The following PTDSS2 variants were observed in gnomAD, a reference collection of about 807,000 sequenced individuals.
PTDSS2 encodes the protein phosphatidylserine synthase 2.
A neutral mutation model predicts 64.7 loss-of-function variants in PTDSS2; 41 were observed. That is an observed-to-expected ratio of 0.63 (90% CI 0.49 to 0.82). The LOEUF is 0.82. PTDSS2 is among the 40% of genes least tolerant of loss of function. PTDSS2 has a pLI of 0.00. For synonymous variants in PTDSS2, 297 were observed against 277.8 expected (o/e 1.07, Z -0.69); for missense variants, 485 against 650.0 (o/e 0.75, Z 2.76).
chr11:479,397 C>CTG lies in PTDSS2; in HGVS notation c.435+246_435+247dup. On this transcript the variant is annotated intron_variant, in intron 4 of 11. Transcript: ENST00000308020. The surrounding 1 kb of genome is among the most constrained non-coding windows in gnomAD (Gnocchi z 4.2). ...AGCTGCGGGGGGCCTCCAGGAGCATCTGCTGGTGGGGCGCTGACTGTGGCC... is the reference window on the plus strand; with the variant it reads ...AGCTGCGGGGGGCCTCCAGGAGCATCTGTGCTGGTGGGGCGCTGACTGTGGCC... 1 of 586,758 alleles carries CTG rather than the reference C, an allele frequency of 1.7e-6. No homozygotes were observed. Among genetic ancestry groups the CTG allele is most frequent in the South Asian group, 2.0e-5 (1 of 50,700 alleles). The allele number at this position is 586,758 out of a possible 1,614,324, so 36.3% of individuals were successfully genotyped here.
Position 460,484 on chromosome 11 carries a change from C to A in PTDSS2, c.284+196C>A. ...CTTGGTGCTGCGTGGCGTTCCCGGTCAGCCCCCGTCGCCTGTCACTGGGAG... is the reference window on the plus strand; with the variant it reads ...CTTGGTGCTGCGTGGCGTTCCCGGTAAGCCCCCGTCGCCTGTCACTGGGAG... On this transcript the variant is annotated intron_variant, in intron 2 of 11. Transcript: ENST00000308020. This position sits in a 1 kb window ranked among gnomAD's most constrained non-coding sequence, Gnocchi z 5.8. The A allele has an allele frequency of 1.8e-6, 1 of 561,188 alleles. No homozygotes were observed. Among genetic ancestry groups the A allele is most frequent in the Admixed American group, 3.1e-5 (1 of 32,618 alleles). 34.8% of individuals were successfully genotyped at this position (561,188 alleles called of 1,614,324 possible). A position where few individuals can be genotyped will look rare whatever the true frequency, so the allele number is the denominator to read the frequency against.
At chr11:457,126 G>A (rs1246466112) in intron 1 of PTDSS2, among the ~76,000 whole-genome samples, 3 of 152,168 alleles carry the variant, frequency 2.0e-5, no homozygotes, top group Non-Finnish European at 4.4e-5. Context: ...GACCCCATCT[G>A]CACAAAAAAT....
intron 2 of PTDSS2, among the ~76,000 whole-genome samples, chr11:472,823 G>A (rs975245105): frequency 2.6e-5 from 4 of 152,144 alleles, no homozygotes; most frequent in African/African-American, 9.7e-5. Flanking sequence ...CCACACGAAC[G>A]TGCGTGTGTG....
Position 489,927 on chromosome 11 carries a change from C to T in PTDSS2, c.1160C>T (p.Ala387Val). 6.2e-7 allele frequency: 1 copy of T among 1,604,936 alleles called. No individual in the cohort carries two copies. Among genetic ancestry groups the T allele is most frequent in the Non-Finnish European group, 8.5e-7 (1 of 1,177,840 alleles). The change falls in exon 11 of 12, where the codon GCC (alanine) becomes GTC (valine). Residue 387 changes from alanine to valine, a missense_variant. Around this residue, in one of 3 missense-constraint regions of PTDSS2, gnomAD observed 219 missense variants for 257.3 expected, o/e 0.85. Coordinates refer to ENST00000308020, the MANE Select transcript of PTDSS2 (RefSeq NM_030783.3). ...GGCCCGCAGGCCTGGCTGGTGGCGG[C>T]CATCACGGCCACGGAGCTGCTCATC... ...KLGPQAWLVAAITATELLIVV... is the reference protein window; with the variant it reads ...KLGPQAWLVAVITATELLIVV...
chr11:486,558 C>A (rs1848397931), intron 4 of PTDSS2, among the ~76,000 whole-genome samples: 2 of 152,154 alleles, frequency 1.3e-5, no homozygotes, highest in Admixed American at 6.5e-5. Context: ...ACCATGATCT[C>A]CTGGCCGGGC....
At chr11:481,338 CTT>C (rs1848062718) in intron 4 of PTDSS2, among the ~76,000 whole-genome samples, 1 of 152,186 alleles carries the variant, frequency 6.6e-6, no homozygotes, top group East Asian at 1.9e-4. Context: ...ATCTGGGTCT[CTT>C]GCGTTTCCAA....
intron 2 of PTDSS2, among the ~76,000 whole-genome samples, chr11:469,576 A>G (rs1225052283): frequency 6.6e-6 from 1 of 152,070 alleles, no homozygotes; most frequent in South Asian, 2.1e-4. Flanking sequence ...GGCCGCTGTG[A>G]TGGTGGATTA....
In PTDSS2 at chr11:460,671, G is replaced by T; in HGVS notation, c.284+383G>T. ...CCTGCGGTGGCCGCGTGCTGGTTCC[G>T]TTAGCCAGCGGGGCTCTTGCACGGA... On this transcript the variant is annotated intron_variant, in intron 2 of 11. Transcript: ENST00000308020. The surrounding 1 kb of genome is among the most constrained non-coding windows in gnomAD (Gnocchi z 5.8). 5.2e-6 allele frequency: 1 copy of T among 193,636 alleles called. No homozygotes were observed. The highest frequency in any genetic ancestry group is 1.1e-5 in the Non-Finnish European group (1 of 92,460). The allele number at this position is 193,636 out of a possible 1,614,324, so 12.0% of individuals were successfully genotyped here. A position where few individuals can be genotyped will look rare whatever the true frequency, so the allele number is the denominator to read the frequency against.
rs1055511461 is a variant in PTDSS2 at position 461,312 on chromosome 11, C to T, written c.284+1024C>T. Among the ~76,000 whole-genome samples, 1 of 152,200 alleles carries T rather than the reference C, an allele frequency of 6.6e-6. No homozygotes were observed. The highest frequency in any genetic ancestry group is 6.5e-5 in the Admixed American group (1 of 15,284). ...GCCCTGTTTGCCCACTGATTTGACA[C>T]CAGCCCTGTGGGCTCTAGAACACAA... On this transcript the variant is annotated intron_variant, in intron 2 of 11. Coordinates refer to ENST00000308020, the MANE Select transcript of PTDSS2 (RefSeq NM_030783.3). The surrounding 1 kb of genome is among the most constrained non-coding windows in gnomAD (Gnocchi z 4.2).
At position 489,500 on chromosome 11, in the gene PTDSS2, G is replaced by A. The variant is rs749403194; in HGVS notation, c.955G>A (p.Gly319Ser). The A allele has an allele frequency of 1.4e-5, 23 of 1,612,880 alleles. No individual in the cohort carries two copies. Among genetic ancestry groups the A allele is most frequent in the South Asian group, 5.5e-5 (5 of 91,070 alleles). The change falls in exon 9 of 12, where the codon GGC becomes AGC. Residue 319 changes from glycine to serine, a missense_variant. Transcript: ENST00000308020. ...CCTGCGTCGCTGGCTGGCCGTGTGC[G>A]GCATCATCCTGGTGGTAAGGCCGGG... ...SSLRRWLAVC[G>S]IILVFLLAEL...
Position 490,679 on chromosome 11 carries a change from C to T in PTDSS2, c.*97C>T, listed in dbSNP as rs1387936056. The T allele has an allele frequency of 1.5e-6, 2 of 1,343,606 alleles. No homozygotes were observed. The highest frequency in any genetic ancestry group is 2.9e-5 in the African/African-American group (2 of 67,994). The allele number at this position is 1,343,606 out of a possible 1,614,324, so 83.2% of individuals were successfully genotyped here. On this transcript the variant is annotated 3_prime_UTR_variant, in exon 12 of 12. Coordinates refer to ENST00000308020, the MANE Select transcript of PTDSS2 (RefSeq NM_030783.3). ...CAGGAGCCACGTGCCCGGCCTTGCCCTCAAGGTTTTTTGCTTTTCTCCTGT... is the reference window on the plus strand; with the variant it reads ...CAGGAGCCACGTGCCCGGCCTTGCCTTCAAGGTTTTTTGCTTTTCTCCTGT...
upstream of PTDSS2, among the ~76,000 whole-genome samples, chr11:449,715 C>A (rs1846234006): frequency 6.6e-6 from 1 of 152,048 alleles, no homozygotes; most frequent in Non-Finnish European, 1.5e-5. Flanking sequence ...TTTGGGAGGC[C>A]GAGGCGGCAG....
chr11:461,698 C>T lies in PTDSS2; in HGVS notation c.284+1410C>T, dbSNP rs888711824. Reference sequence around the variant, plus strand: ...CAGGCCTGGCCTGGCCAGTGCCTCCCGTGCTCCAGGCCCAGCTCGCTCCTT... The same window carrying T: ...CAGGCCTGGCCTGGCCAGTGCCTCCTGTGCTCCAGGCCCAGCTCGCTCCTT... On this transcript the variant is annotated intron_variant, in intron 2 of 11. Transcript: ENST00000308020. This position sits in a 1 kb window ranked among gnomAD's most constrained non-coding sequence, Gnocchi z 4.2. Among the ~76,000 whole-genome samples, 15 of 151,958 alleles carry T rather than the reference C, an allele frequency of 9.9e-5. No homozygotes were observed. The highest frequency in any genetic ancestry group is 3.9e-4 in the Admixed American group (6 of 15,282).
At chr11:471,764 C>T (rs112725935) in intron 2 of PTDSS2, among the ~76,000 whole-genome samples, 9 of 125,188 alleles carry the variant, frequency 7.2e-5, no homozygotes, top group African/African-American at 1.6e-4. Context: ...TGGGGTGACG[C>T]GGATGGCGGC....
rs1846902725 is a variant in PTDSS2 at position 461,879 on chromosome 11, GGAGGCAGT to G, written c.284+1601_284+1608del. On this transcript the variant is annotated intron_variant, in intron 2 of 11. Transcript: ENST00000308020. The surrounding 1 kb of genome is among the most constrained non-coding windows in gnomAD (Gnocchi z 4.2). ...CTGGGGACGCTGGACCTGTGGCTCT[GGAGGCAGT>G]GAGGCAGTGGGCAGGAGCCCCGTGT... 6.6e-6 allele frequency among the ~76,000 whole-genome samples: 1 copy of G among 152,180 alleles called. No individual in the cohort carries two copies. Among genetic ancestry groups the G allele is most frequent in the African/African-American group, 2.4e-5 (1 of 41,444 alleles).
At chr11:454,303 G>A (rs913782146) in intron 1 of PTDSS2, among the ~76,000 whole-genome samples, 1 of 152,188 alleles carries the variant, frequency 6.6e-6, no homozygotes, top group South Asian at 2.1e-4. Context: ...GGAGGGTGCT[G>A]GGCACTCGGT....
intron 10 of PTDSS2, 37 bp from the exon 11 acceptor site, chr11:489,846 G>C (rs781685104): frequency 6.4e-7 from 1 of 1,550,824 alleles, no homozygotes; most frequent in South Asian, 1.2e-5. Flanking sequence ...AGGACCCTGC[G>C]GGGCCCGGGA....
chr11:451,556 C>G (rs1364562752), intron 1 of PTDSS2: 1 of 249,386 alleles, frequency 4.0e-6, no homozygotes, highest in Non-Finnish European at 8.6e-6. Flanking sequence ...GGGGTCAGCC[C>G]CAGGAAAACG....
At chr11:467,880 T>C (rs1351952779) in intron 2 of PTDSS2, among the ~76,000 whole-genome samples, 1 of 152,178 alleles carries the variant, frequency 6.6e-6, no homozygotes, top group Non-Finnish European at 1.5e-5. Context: ...CTCACGCTTA[T>C]AATCCCAGCA....
Sources: gnomAD v4.1 joint callset for allele counts (sites outside exome capture counted in the v4.1 genomes callset) on GRCh38, gnomAD v4.1.1 for gene constraint, gnomAD v4.1.1 regional missense constraint, Gnocchi (gnomAD v3.1) non-coding constraint, MANE v1.5 for transcripts, NCBI Gene and HGNC (gene_info 2026-07-23, HGNC 2026-07-21) for gene names.